HOXA3: variants seen among roughly 807,000 people sequenced by gnomAD.
HOXA3 encodes the protein homeobox protein Hox-A3.
HOXA3 carries 8 observed loss-of-function variants against 30.3 expected under a neutral mutation model. The ratio of observed to expected loss-of-function variants is 0.26; its 90% CI spans 0.15 to 0.48. HOXA3 has a LOEUF of 0.48. Ranked by LOEUF, HOXA3 falls within the 20% of genes least tolerant of loss-of-function variation. The pLI, the probability that HOXA3 is intolerant of heterozygous loss-of-function variation, is 0.99. For synonymous variants in HOXA3, 323 were observed against 273.1 expected (o/e 1.18, Z -1.80); for missense variants, 653 against 614.4 (o/e 1.06, Z -0.66).
chr7:27,108,615 T>A lies in HOXA3; in HGVS notation c.632A>T (p.His211Leu), dbSNP rs137977036. 4.7e-5 allele frequency: 76 copies of A among 1,613,984 alleles called. No individual in the cohort carries two copies. Among genetic ancestry groups the A allele is most frequent in the Non-Finnish European group, 6.1e-5 (72 of 1,179,984 alleles). The change falls in exon 6 of 6, where the codon CAC (histidine) becomes CTC (leucine). Residue 211 changes from histidine to leucine, a missense_variant. Coordinates refer to ENST00000612286, the MANE Select transcript of HOXA3 (RefSeq NM_153631.3). The surrounding 1 kb of genome is among the most constrained non-coding windows in gnomAD (Gnocchi z 5.0). ...AQLVELEKEF[H>L]FNRYLCRPRR... is the part of the protein sequence containing the mutation. ...CGGCCGGCACAGGTAGCGGTTGAAG[T>A]GGAACTCTTTCTCCAGCTCCACCAG... is the stretch of plus-strand genomic sequence containing the variant.
At chr7:27,124,310 C>G (rs1433058309) in intron 3 of HOXA3, 2 of 152,224 alleles carry the variant, frequency 1.3e-5, no homozygotes, top group Non-Finnish European at 2.9e-5. Context: ...GCCGCGCGCC[C>G]GTCCTGTGGT....
intron 4 of HOXA3, chr7:27,119,742 T>G (rs1446158627): frequency 3.3e-5 from 5 of 152,128 alleles, no homozygotes; most frequent in African/African-American, 1.2e-4. Flanking sequence ...AGGGGTCTGA[T>G]GAAAATGTAA....
At chr7:27,144,367 C>T (rs555627142) in intron 1 of HOXA3, among the ~76,000 whole-genome samples, 3 of 152,338 alleles carry the variant, frequency 2.0e-5, no homozygotes, top group Admixed American at 2.0e-4. Flanking sequence ...TCTTAAATGA[C>T]AGGCGTCTAT....
chr7:27,114,389 G>C (rs1225849151), intron 4 of HOXA3, among the ~76,000 whole-genome samples: 6 of 151,642 alleles, frequency 4.0e-5, no homozygotes. Context: ...AGAAAAGTGA[G>C]TTTCCCAGAC....
At chr7:27,131,922 T>A (rs534748050) in intron 2 of HOXA3, among the ~76,000 whole-genome samples, 1 of 152,362 alleles carries the variant, frequency 6.6e-6, no homozygotes, top group Admixed American at 6.5e-5. Flanking sequence ...ATTAACGATA[T>A]CAGAAGCTCC....
chr7:27,139,413 G>C (rs61236211), intron 2 of HOXA3, among the ~76,000 whole-genome samples: 1 of 152,168 alleles, frequency 6.6e-6, no homozygotes, highest in Admixed American at 6.5e-5. Context: ...TTGCAACCCG[G>C]GGGCCCAGCC....
intron 3 of HOXA3, chr7:27,123,827 C>T (rs1353202078): frequency 6.6e-6 from 1 of 152,304 alleles, no homozygotes; most frequent in Non-Finnish European, 1.5e-5. Context: ...CAGTTCGACC[C>T]GTAGCCCCCA....
At position 27,142,218 on chromosome 7, in the gene HOXA3, C is replaced by G; in HGVS notation, c.-493-2032G>C. ...GTTCTGCCTACCAGCCCGCACACCC[C>G]TCCCGAATTTCCTTCTCTCTTCCTT... is the stretch of plus-strand genomic sequence containing the variant. On this transcript the variant is annotated intron_variant, in intron 1 of 5. Coordinates refer to ENST00000612286, the MANE Select transcript of HOXA3 (RefSeq NM_153631.3). 6.7e-6 allele frequency: 6 copies of G among 891,736 alleles called. No individual in the cohort carries two copies. In the South Asian group the frequency reaches 1.1e-4, roughly 16 times the overall value. The allele number at this position is 891,736 out of a possible 1,614,324, so 55.2% of individuals were successfully genotyped here.
chr7:27,145,641 G>A (rs1328560989), intron 1 of HOXA3: 13 of 1,609,648 alleles, frequency 8.1e-6, no homozygotes, highest in Non-Finnish European at 1.1e-5. Context: ...GCGCTGGCCT[G>A]GTCCCTGCCC....
intron 1 of HOXA3, among the ~76,000 whole-genome samples, chr7:27,144,332 G>T (rs1451488162): frequency 2.0e-5 from 3 of 152,164 alleles, no homozygotes; most frequent in Non-Finnish European, 4.4e-5. Context: ...TTTTGCGAGC[G>T]CATGAGGGAC....
Position 27,140,149 on chromosome 7 carries a change from A to G in HOXA3, c.-456T>C, listed in dbSNP as rs1441972771. 1 of 152,186 alleles carries G rather than the reference A, an allele frequency of 6.6e-6. No individual in the cohort carries two copies. Among genetic ancestry groups the G allele is most frequent in the African/African-American group, 2.4e-5 (1 of 41,432 alleles). The allele number at this position is 152,186 out of a possible 1,614,324, so 9.4% of individuals were successfully genotyped here. On this transcript the variant is annotated 5_prime_UTR_variant, in exon 2 of 6. Transcript: ENST00000612286. ...TTGTGGTTTGGACACTTCTGGACCT[A>G]AAATTGACAGTTTGAATGGCCAGGC...
At chr7:27,143,373 C>T (rs1423674896) in intron 1 of HOXA3, 1 of 1,590,282 alleles carries the variant, frequency 6.3e-7, no homozygotes, top group Middle Eastern at 1.7e-4. Flanking sequence ...GCGGGCGCCG[C>T]GCTGGCGCTG....
rs182785851 is a variant in HOXA3 at position 27,136,770 on chromosome 7, G to A, written c.-390+3313C>T. On this transcript the variant is annotated intron_variant, in intron 2 of 5. Coordinates refer to ENST00000612286, the MANE Select transcript of HOXA3 (RefSeq NM_153631.3). The stretch of plus-strand genomic sequence containing the variant: ...ATTGAAAAGACTGGTTTGTGGGGAG[G>A]GGACCTGGTGGGAGAACAAATTTAT... 2.0e-5 allele frequency among the ~76,000 whole-genome samples: 3 copies of A among 152,282 alleles called. No homozygotes were observed. The East Asian group carries it at 5.8e-4, about 29-fold the overall frequency.
chr7:27,148,774 AC>A (rs1782874777), intron 1 of HOXA3, among the ~76,000 whole-genome samples: 2 of 152,212 alleles, frequency 1.3e-5, no homozygotes, highest in Admixed American at 6.5e-5. Flanking sequence ...CACTGCGAGA[AC>A]CGCTCAGAGC....
intron 1 of HOXA3, chr7:27,142,791 G>GT (rs2128060434): frequency 4.4e-6 from 2 of 450,996 alleles, no homozygotes; most frequent in East Asian, 3.6e-5. Flanking sequence ...TTCCAGAGGG[G>GT]TTTTTTGCTT....
At chr7:27,147,839 A>C in intron 1 of HOXA3, 1 of 1,204,628 alleles carries the variant, frequency 8.3e-7, no homozygotes, top group Non-Finnish European at 1.1e-6. Context: ...TTGTTTCTGG[A>C]TGGCCGAACG....
Position 27,108,077 on chromosome 7 carries a change from G to A in HOXA3, c.1170C>T (p.His390=). The A allele has an allele frequency of 1.2e-6, 2 of 1,612,950 alleles. No homozygotes were observed. The highest frequency in any genetic ancestry group is 1.7e-6 in the Non-Finnish European group (2 of 1,179,226). Residue 390 remains histidine, a synonymous_variant, in exon 6 of 6, where the codon CAC becomes CAT. Transcript: ENST00000612286. The surrounding 1 kb of genome is among the most constrained non-coding windows in gnomAD (Gnocchi z 5.0). ...CATAGTCCATGGCGCCCGAGGCAGC[G>A]TGGGGGAGGTGAGTTAGACCAAAGA... is the stretch of plus-strand genomic sequence containing the variant. The part of the protein sequence containing the change: ...PALFGLTHLP[H]AASGAMDYGG...
At chr7:27,140,782 T>C (rs915227850) in intron 1 of HOXA3, among the ~76,000 whole-genome samples, 1 of 152,154 alleles carries the variant, frequency 6.6e-6, no homozygotes, top group Non-Finnish European at 1.5e-5. Flanking sequence ...TTGCTCTTTC[T>C]CTCTTTTTTG....
At chr7:27,134,044 T>C (rs1240055544) in intron 2 of HOXA3, 2 of 152,244 alleles carry the variant, frequency 1.3e-5, no homozygotes, top group African/African-American at 4.8e-5. Context: ...GTAAACGTTA[T>C]GGAATGTATT....
Sources: allele counts gnomAD v4.1 joint callset (sites outside exome capture counted in the v4.1 genomes callset), GRCh38; gene constraint gnomAD v4.1.1; non-coding constraint Gnocchi (gnomAD v3.1); transcripts MANE v1.5; gene names NCBI Gene and HGNC (gene_info 2026-07-23, HGNC 2026-07-21).